CAMK2A: variants seen among roughly 807,000 people sequenced by gnomAD.
CAMK2A encodes calcium/calmodulin-dependent protein kinase type II subunit alpha.
Under a neutral mutation model 79.2 loss-of-function variants are expected in CAMK2A, and 7 were observed. The observed-to-expected ratio is 0.09, with a 90% CI of 0.05 to 0.17. The LOEUF (loss-of-function observed/expected upper bound fraction) is 0.17, where lower values mean the gene tolerates loss of function less well. CAMK2A is among the 10% of genes least tolerant of loss of function. The pLI is 1.00. For synonymous variants in CAMK2A, 242 were observed against 251.7 expected (o/e 0.96, Z 0.36); for missense variants, 214 against 646.4 (o/e 0.33, Z 7.25).
intron 3 of CAMK2A, among the ~76,000 whole-genome samples, chr5:150,264,387 G>A (rs1426554928): frequency 6.6e-6 from 1 of 152,212 alleles, no homozygotes; most frequent in African/African-American, 2.4e-5. Context: ...CCCCCCAATT[G>A]CACAAGGGCT....
intron 2 of CAMK2A, 38 bp downstream of exon 2, chr5:150,273,027 G>T: frequency 6.7e-7 from 1 of 1,500,674 alleles, no homozygotes. Flanking sequence ...AGAGAGGAGA[G>T]CCCTGGAGGG....
At chr5:150,282,849 C>T (rs1404138994) in intron 1 of CAMK2A, among the ~76,000 whole-genome samples, 2 of 152,252 alleles carry the variant, frequency 1.3e-5, no homozygotes, top group East Asian at 3.8e-4. Flanking sequence ...GGAATTTGCA[C>T]ATCTCTGCTG....
chr5:150,252,308 C>T lies in CAMK2A; in HGVS notation c.515-243G>A, dbSNP rs770412412. Among the ~76,000 whole-genome samples the T allele has an allele frequency of 1.4e-4, 22 of 152,298 alleles. 1 individual carries two copies. The Middle Eastern group carries it at 0.01, about 71-fold the overall frequency. ...TACCTAGCACACCTGTCACCACTTC[C>T]CACTTCAGAGCCAGTGGTAATCAGC... On this transcript the variant is annotated intron_variant, in intron 7 of 18. Coordinates refer to ENST00000671881, the MANE Select transcript of CAMK2A (RefSeq NM_015981.4).
intron 2 of CAMK2A, among the ~76,000 whole-genome samples, chr5:150,267,659 C>T (rs1032581320): frequency 3.9e-5 from 6 of 152,134 alleles, no homozygotes; most frequent in Non-Finnish European, 8.8e-5. Flanking sequence ...GCAGTGTTTT[C>T]ATTTTCCAAT....
chr5:150,286,053 C>T (rs1280679532), intron 1 of CAMK2A, among the ~76,000 whole-genome samples: 1 of 152,198 alleles, frequency 6.6e-6, no homozygotes, highest in African/African-American at 2.4e-5. Context: ...ATGCTGGGAG[C>T]TCTGGCCTGA....
chr5:150,266,442 T>C (rs1042373384), intron 2 of CAMK2A, among the ~76,000 whole-genome samples: 7 of 152,218 alleles, frequency 4.6e-5, no homozygotes, highest in African/African-American at 1.7e-4. Context: ...AACGCCTTAA[T>C]TTAACAAACA....
At chr5:150,262,855 A>T (rs896578288) in intron 3 of CAMK2A, among the ~76,000 whole-genome samples, 1 of 152,160 alleles carries the variant, frequency 6.6e-6, no homozygotes, top group Non-Finnish European at 1.5e-5. Flanking sequence ...GGCAGAGCTG[A>T]GATTGAAACC....
intron 11 of CAMK2A, among the ~76,000 whole-genome samples, chr5:150,250,006 A>G (rs1755760631): frequency 6.6e-6 from 1 of 152,010 alleles, no homozygotes; most frequent in South Asian, 2.1e-4. Context: ...CTGCCCCATA[A>G]CGCCCCAGGA....
intron 17 of CAMK2A, among the ~76,000 whole-genome samples, chr5:150,225,056 G>C (rs1317554374): frequency 6.6e-6 from 1 of 150,934 alleles, no homozygotes; most frequent in Non-Finnish European, 1.5e-5. Context: ...GAGAGAGAGA[G>C]AGAGAGAGAG....
chr5:150,264,007 C>G (rs1272333878), intron 3 of CAMK2A, among the ~76,000 whole-genome samples: 2 of 152,176 alleles, frequency 1.3e-5, no homozygotes. Flanking sequence ...CCTTGGGGCC[C>G]TGGGCACGGA....
intron 9 of CAMK2A, among the ~76,000 whole-genome samples, chr5:150,251,485 G>T (rs987630637): frequency 1.3e-5 from 2 of 152,206 alleles, no homozygotes; most frequent in Non-Finnish European, 2.9e-5. Flanking sequence ...ATTATTATTT[G>T]TATATATGAG....
At position 150,252,075 on chromosome 5, in the gene CAMK2A, GAC is replaced by G. The variant is rs759585377; in HGVS notation, c.515-12_515-11del. ...GGAGTCCCTGCAAACCCTGCTCCCA[GAC>G]ACACAGACAGGCAGACACATACACA... is the stretch of plus-strand genomic sequence containing the variant. On this transcript the variant is annotated splice_polypyrimidine_tract_variant and intron_variant, in intron 7 of 18. Coordinates refer to ENST00000671881, the MANE Select transcript of CAMK2A (RefSeq NM_015981.4). 16 of 1,604,886 alleles carry G rather than the reference GAC, an allele frequency of 1.0e-5. No individual in the cohort carries two copies. In the Admixed American group the frequency reaches 2.7e-4, roughly 27 times the overall value.
At chr5:150,254,639 C>G (rs537656204) in intron 6 of CAMK2A, among the ~76,000 whole-genome samples, 1 of 152,156 alleles carries the variant, frequency 6.6e-6, no homozygotes, top group Non-Finnish European at 1.5e-5. Flanking sequence ...TCCCTTCACC[C>G]TGAGACTCAG....
rs1331223399 is a variant in CAMK2A at position 150,256,689 on chromosome 5, G to T, written c.339-44C>A. 1.0e-5 allele frequency: 16 copies of T among 1,607,822 alleles called. No homozygotes were observed. In the Middle Eastern group the frequency reaches 8.2e-4, roughly 83 times the overall value. ...AGGGGTCATGGTGGTGTGAGCACAG[G>T]CCTCCCCTGGGAAGCTGACAGCAGG... is the stretch of plus-strand genomic sequence containing the variant. On this transcript the variant is annotated intron_variant, in intron 5 of 18. Transcript: ENST00000671881. This position sits in a 1 kb window ranked among gnomAD's most constrained non-coding sequence, Gnocchi z 4.6.
intron 6 of CAMK2A, among the ~76,000 whole-genome samples, chr5:150,253,887 T>C (rs913621616): frequency 6.6e-6 from 1 of 152,230 alleles, no homozygotes; most frequent in Non-Finnish European, 1.5e-5. Context: ...GCATTGATTG[T>C]GCCCCTACTA....
chr5:150,273,765 C>T (rs1372649723), intron 1 of CAMK2A, among the ~76,000 whole-genome samples: 9 of 152,196 alleles, frequency 5.9e-5, no homozygotes, highest in African/African-American at 2.4e-5. Context: ...TTCCTTGTTA[C>T]TTAGTATGTA....
At chr5:150,235,902 C>T (rs867949425) in intron 15 of CAMK2A, among the ~76,000 whole-genome samples, 6 of 152,308 alleles carry the variant, frequency 3.9e-5, no homozygotes, top group Non-Finnish European at 7.3e-5. Flanking sequence ...ACTCCTCTTT[C>T]CTGCCAAACA....
chr5:150,281,130 T>A (rs1404579017), intron 1 of CAMK2A, among the ~76,000 whole-genome samples: 2 of 152,202 alleles, frequency 1.3e-5, no homozygotes, highest in East Asian at 3.9e-4. Flanking sequence ...CTACTCATTA[T>A]CTTGCCTAGA....
chr5:150,272,594 G>A (rs900307444), intron 2 of CAMK2A, among the ~76,000 whole-genome samples: 2 of 151,546 alleles, frequency 1.3e-5, no homozygotes, highest in African/African-American at 4.9e-5. Flanking sequence ...AAAAGAGAGA[G>A]AGAGAGACAG....
Sources: gnomAD v4.1 joint callset for allele counts (sites outside exome capture counted in the v4.1 genomes callset) on GRCh38, gnomAD v4.1.1 for gene constraint, Gnocchi (gnomAD v3.1) non-coding constraint, MANE v1.5 for transcripts, NCBI Gene and HGNC (gene_info 2026-07-23, HGNC 2026-07-21) for gene names.